The following KCNQ5 variants were observed in gnomAD, a reference collection of about 807,000 sequenced individuals.
KCNQ5 encodes potassium voltage-gated channel subfamily Q member 5.
KCNQ5 carries 30 observed loss-of-function variants against 98.2 expected under a neutral mutation model. That is an observed-to-expected ratio of 0.31 (90% CI 0.23 to 0.41). The LOEUF (loss-of-function observed/expected upper bound fraction) is 0.41. Ranked by LOEUF, KCNQ5 falls within the 10% of genes least tolerant of loss-of-function variation. The pLI is 1.00. For missense variants in KCNQ5, 835 were observed against 1,182.5 expected (o/e 0.71, Z 4.31); for synonymous variants, 458 against 449.4 (o/e 1.02, Z -0.24).
chr6:72,893,381 G>A (rs1435582194), intron 1 of KCNQ5, among the ~76,000 whole-genome samples: 4 of 152,142 alleles, frequency 2.6e-5, no homozygotes, highest in Admixed American at 6.5e-5. Flanking sequence ...TTGTAAGTGT[G>A]TGACAATGGG....
chr6:73,061,772 T>C (rs932928553), intron 3 of KCNQ5, among the ~76,000 whole-genome samples: 4 of 152,196 alleles, frequency 2.6e-5, no homozygotes, highest in Non-Finnish European at 4.4e-5. Context: ...AATGAGATGA[T>C]ACATGTAAAG....
chr6:73,119,330 C>G (rs1035355575), intron 7 of KCNQ5, among the ~76,000 whole-genome samples: 1 of 152,218 alleles, frequency 6.6e-6, no homozygotes, highest in African/African-American at 2.4e-5. Flanking sequence ...ACTCCACCAA[C>G]TTTGTATAAA....
intron 2 of KCNQ5, among the ~76,000 whole-genome samples, chr6:73,012,803 G>C (rs1019183134): frequency 6.6e-6 from 1 of 151,680 alleles, no homozygotes; most frequent in African/African-American, 2.4e-5. Flanking sequence ...CATCCTGCAC[G>C]TGTACCCCGG....
chr6:72,786,872 G>T (rs1773775418), intron 1 of KCNQ5, among the ~76,000 whole-genome samples: 1 of 151,804 alleles, frequency 6.6e-6, no homozygotes, highest in Non-Finnish European at 1.5e-5. Flanking sequence ...CGGGCGTGGT[G>T]GCGGGCACCT....
intron 1 of KCNQ5, among the ~76,000 whole-genome samples, chr6:72,972,505 C>G (rs534776034): frequency 7.2e-4 from 110 of 152,062 alleles, no homozygotes; most frequent in Admixed American, 1.5e-3. Flanking sequence ...CCCCCTACCC[C>G]CCAACAAGCC....
chr6:73,120,664 TTAA>T (rs1389228464), intron 8 of KCNQ5, 87 bp downstream of exon 8: 1 of 786,014 alleles, frequency 1.3e-6, no homozygotes, highest in Admixed American at 2.5e-5. Flanking sequence ...AAAAAAGGTG[TTAA>T]TGTTTGGCTT....
chr6:73,121,315 A>G (rs965576353), intron 8 of KCNQ5, among the ~76,000 whole-genome samples: 1 of 151,556 alleles, frequency 6.6e-6, no homozygotes, highest in Non-Finnish European at 1.5e-5. Flanking sequence ...AGTCCTAATG[A>G]TTACCACAGA....
At chr6:72,733,778 T>C (rs1770677817) in intron 1 of KCNQ5, among the ~76,000 whole-genome samples, 1 of 152,232 alleles carries the variant, frequency 6.6e-6, no homozygotes, top group African/African-American at 2.4e-5. Flanking sequence ...ATCTTAATGG[T>C]TTCTAATGGG....
intron 1 of KCNQ5, among the ~76,000 whole-genome samples, chr6:72,988,479 G>A (rs962906416): frequency 6.6e-6 from 1 of 152,058 alleles, no homozygotes; most frequent in Admixed American, 6.5e-5. Flanking sequence ...GTAAACATGG[G>A]AACAATAGAC....
chr6:72,671,257 T>C (rs1407668447), intron 1 of KCNQ5, among the ~76,000 whole-genome samples: 1 of 152,158 alleles, frequency 6.6e-6, no homozygotes, highest in Admixed American at 6.5e-5. Context: ...TTGGGAAAAC[T>C]GAATGAGTCA....
At chr6:72,962,937 C>A (rs1767443109) in intron 1 of KCNQ5, among the ~76,000 whole-genome samples, 1 of 152,094 alleles carries the variant, frequency 6.6e-6, no homozygotes, top group Admixed American at 6.5e-5. Flanking sequence ...ACTCTTGATT[C>A]TTTATTTCCT....
chr6:72,871,416 A>G (rs765107366), intron 1 of KCNQ5, among the ~76,000 whole-genome samples: 11 of 152,154 alleles, frequency 7.2e-5, no homozygotes, highest in Non-Finnish European at 1.3e-4. Context: ...ATGCATTTAC[A>G]TATTAATGTA....
chr6:73,095,894 A>C (rs1198820139), intron 5 of KCNQ5, among the ~76,000 whole-genome samples: 1 of 152,136 alleles, frequency 6.6e-6, no homozygotes, highest in African/African-American at 2.4e-5. Context: ...TTTTAAAGGC[A>C]GACTTTGTAA....
intron 11 of KCNQ5, among the ~76,000 whole-genome samples, chr6:73,174,514 A>G (rs1384832852): frequency 6.6e-6 from 1 of 152,212 alleles, no homozygotes; most frequent in Admixed American, 6.5e-5. Context: ...TTCCCAGGCC[A>G]GACTAGCCTT....
In KCNQ5 at chr6:73,196,459, A is replaced by G. The variant is rs1218845192; in HGVS notation, c.*1045A>G. The G allele has an allele frequency of 6.6e-6, 1 of 152,220 alleles. No individual in the cohort carries two copies. The highest frequency in any genetic ancestry group is 6.5e-5 in the Admixed American group (1 of 15,276). 9.4% of individuals were successfully genotyped at this position (152,220 alleles called of 1,614,324 possible). ...TCAAAGGGCAATGAGAGGGAGAGAA[A>G]CAAACCAAAATAGAAGAACTAGACT... is the stretch of plus-strand genomic sequence containing the variant. On this transcript the variant is annotated 3_prime_UTR_variant, in exon 14 of 14. Coordinates refer to ENST00000370398, the MANE Select transcript of KCNQ5 (RefSeq NM_019842.4).
At chr6:72,634,328 A>AT (rs1158452804) in intron 1 of KCNQ5, among the ~76,000 whole-genome samples, 2 of 151,924 alleles carry the variant, frequency 1.3e-5, no homozygotes, top group African/African-American at 2.4e-5. Context: ...TTCTTTAAAT[A>AT]TTTTTCTGAC....
At chr6:73,036,385 C>CA (rs70994156) in intron 2 of KCNQ5, among the ~76,000 whole-genome samples, 4,379 of 78,440 alleles carry the variant, frequency 0.056, 240 homozygotes, top group East Asian at 0.1. Flanking sequence ...GACTCTGTCT[C>CA]AAAAAAAAAA....
At chr6:73,159,112 G>C (rs1329680702) in intron 10 of KCNQ5, among the ~76,000 whole-genome samples, 1 of 150,568 alleles carries the variant, frequency 6.6e-6, no homozygotes, top group Non-Finnish European at 1.5e-5. Flanking sequence ...GCCCATCAGT[G>C]ACAGATTTGA....
intron 6 of KCNQ5, among the ~76,000 whole-genome samples, chr6:73,107,668 T>A (rs1374731748): frequency 2.0e-5 from 3 of 152,236 alleles, no homozygotes; most frequent in Admixed American, 6.5e-5. Flanking sequence ...AATATGTCAC[T>A]AGGTTAAGTT....
Sources: allele counts gnomAD v4.1 joint callset (sites outside exome capture counted in the v4.1 genomes callset), GRCh38; gene constraint gnomAD v4.1.1; transcripts MANE v1.5; gene names NCBI Gene and HGNC (gene_info 2026-07-23, HGNC 2026-07-21).